The following PIEZO2 variants were observed in gnomAD, a reference collection of about 807,000 sequenced individuals.
PIEZO2 encodes the protein piezo type mechanosensitive ion channel component 2.
PIEZO2 carries 172 observed loss-of-function variants against 337.3 expected under a neutral mutation model. That is an observed-to-expected ratio of 0.51 (90% CI 0.45 to 0.58). PIEZO2 has a LOEUF of 0.58. PIEZO2 is among the 20% of genes least tolerant of loss of function. The pLI is 0.00. For missense variants in PIEZO2, 3,028 were observed against 3,391.3 expected, an observed-to-expected ratio of 0.89 and a Z score of 2.66; for synonymous variants, 1,251 against 1,228.5, an observed-to-expected ratio of 1.02 and a Z score of -0.38.
At chr18:11,030,022 C>T (rs2036674194) in intron 2 of PIEZO2, among the ~76,000 whole-genome samples, 1 of 152,128 alleles carries the variant, frequency 6.6e-6, no homozygotes, top group Non-Finnish European at 1.5e-5. Context: ...ACTTTTACTC[C>T]CTTTAAGTAA....
chr18:10,779,539 A>T (rs1006048123), intron 18 of PIEZO2, among the ~76,000 whole-genome samples: 1 of 152,230 alleles, frequency 6.6e-6, no homozygotes, highest in Non-Finnish European at 1.5e-5. Context: ...CATCTGAAGG[A>T]AAGTCCATAT....
At chr18:10,848,501 T>A (rs2041434759) in intron 7 of PIEZO2, among the ~76,000 whole-genome samples, 1 of 152,178 alleles carries the variant, frequency 6.6e-6, no homozygotes, top group East Asian at 1.9e-4. Flanking sequence ...TAAAAAAGGG[T>A]AACAGGACAA....
chr18:10,842,651 AC>A (rs2041233444), intron 7 of PIEZO2, among the ~76,000 whole-genome samples: 1 of 152,140 alleles, frequency 6.6e-6, no homozygotes, highest in African/African-American at 2.4e-5. Flanking sequence ...AGCCAAATAA[AC>A]CCCTTTTCTT....
At chr18:10,715,065 G>A in intron 38 of PIEZO2, 135 bp from the exon 39 acceptor site, 1 of 827,700 alleles carries the variant, frequency 1.2e-6, no homozygotes, top group Non-Finnish European at 1.8e-6. Flanking sequence ...AGGCAAGTGG[G>A]GATTGATGTC....
chr18:10,839,349 T>A (rs995450479), intron 7 of PIEZO2, among the ~76,000 whole-genome samples: 2 of 152,228 alleles, frequency 1.3e-5, no homozygotes, highest in Non-Finnish European at 2.9e-5. Flanking sequence ...CAGCAAGTAT[T>A]TGCTGTGTCC....
At chr18:10,723,140 T>C (rs1458682673) in intron 36 of PIEZO2, among the ~76,000 whole-genome samples, 1 of 151,954 alleles carries the variant, frequency 6.6e-6, no homozygotes, top group African/African-American at 2.4e-5. Flanking sequence ...GTTAATTTTG[T>C]ATTTTTAGTA....
Position 10,854,503 on chromosome 18 carries a change from T to A in PIEZO2, c.917+850A>T, listed in dbSNP as rs563279032. 6.6e-6 allele frequency among the ~76,000 whole-genome samples: 1 copy of A among 152,220 alleles called. No homozygotes were observed. Among genetic ancestry groups the A allele is most frequent in the Non-Finnish European group, 1.5e-5 (1 of 68,036 alleles). ...TTCTATTATTCCTTTGCCCTGTCATTATCTAACATCATCCTGCATGGAGGA... is the reference window on the plus strand; with the variant it reads ...TTCTATTATTCCTTTGCCCTGTCATAATCTAACATCATCCTGCATGGAGGA... On this transcript the variant is annotated intron_variant, in intron 7 of 55. Transcript: ENST00000674853. This position sits in a 1 kb window ranked among gnomAD's most constrained non-coding sequence, Gnocchi z 4.6.
Position 10,672,999 on chromosome 18 carries a change from C to T in PIEZO2, c.8162-126G>A. 1 of 736,468 alleles carries T rather than the reference C, an allele frequency of 1.4e-6. No homozygotes were observed. 45.6% of individuals were successfully genotyped at this position (736,468 alleles called of 1,614,324 possible). On this transcript the variant is annotated intron_variant, in intron 54 of 55. Transcript: ENST00000674853. This position sits in a 1 kb window ranked among gnomAD's most constrained non-coding sequence, Gnocchi z 4.7. Reference sequence around the variant, plus strand: ...ATAAGGTTCTAGGATGAAAAGGATGCATGGACATACTAGAAGCGTGAATGG... The same window carrying T: ...ATAAGGTTCTAGGATGAAAAGGATGTATGGACATACTAGAAGCGTGAATGG...
chr18:10,670,264 CTTTAT>C lies in PIEZO2; in HGVS notation c.*1258_*1262del, dbSNP rs926081927. The C allele has an allele frequency of 5.3e-5, 8 of 152,158 alleles. No homozygotes were observed. The highest frequency in any genetic ancestry group is 1.2e-4 in the Non-Finnish European group (8 of 67,982). 9.4% of individuals were successfully genotyped at this position (152,158 alleles called of 1,614,324 possible). On this transcript the variant is annotated 3_prime_UTR_variant, in exon 56 of 56. Transcript: ENST00000674853. Reference sequence around the variant, plus strand: ...TCTTAAAATGACTTTGCAGGATGTGCTTTATTTTAAGTCAGCCCTGAACCCAAACT... The same window carrying C: ...TCTTAAAATGACTTTGCAGGATGTGCTTTAAGTCAGCCCTGAACCCAAACT...
At chr18:10,960,112 T>C (rs1270002718) in intron 3 of PIEZO2, among the ~76,000 whole-genome samples, 1 of 152,216 alleles carries the variant, frequency 6.6e-6, no homozygotes, top group Admixed American at 6.5e-5. Flanking sequence ...GTGAGCTTGA[T>C]CTGACAGAAA....
At chr18:10,791,937 G>A (rs1382182180) in intron 13 of PIEZO2, among the ~76,000 whole-genome samples, 1 of 152,098 alleles carries the variant, frequency 6.6e-6, no homozygotes, top group African/African-American at 2.4e-5. Context: ...CTAACACACA[G>A]TAGGTTTATT....
In PIEZO2 at chr18:10,821,927, T is replaced by C. The variant is rs972480020; in HGVS notation, c.918-14653A>G. On this transcript the variant is annotated intron_variant, in intron 7 of 55. Transcript: ENST00000674853. This position sits in a 1 kb window ranked among gnomAD's most constrained non-coding sequence, Gnocchi z 4.2. Reference sequence around the variant, plus strand: ...GATTACAAATGCAATAGTGCTAGTATAAATTTGTCAGAGAAAATCAAAGTT... The same window carrying C: ...GATTACAAATGCAATAGTGCTAGTACAAATTTGTCAGAGAAAATCAAAGTT... Among the ~76,000 whole-genome samples the C allele has an allele frequency of 1.3e-5, 2 of 152,264 alleles. No individual in the cohort carries two copies. Among genetic ancestry groups the C allele is most frequent in the African/African-American group, 2.4e-5 (1 of 41,470 alleles).
chr18:10,762,067 G>A (rs913005680), intron 23 of PIEZO2, among the ~76,000 whole-genome samples: 6 of 152,080 alleles, frequency 3.9e-5, no homozygotes, highest in Non-Finnish European at 7.4e-5. Flanking sequence ...GGCTATATCC[G>A]CTTCTCAGAA....
intron 3 of PIEZO2, among the ~76,000 whole-genome samples, chr18:10,976,640 G>T (rs1354057813): frequency 1.3e-5 from 2 of 152,196 alleles, no homozygotes; most frequent in African/African-American, 4.8e-5. Context: ...AAAAAGGAAA[G>T]GGAAGATGTT....
At chr18:10,681,420 TAAAC>T (rs1332143152) in intron 51 of PIEZO2, among the ~76,000 whole-genome samples, 1 of 152,252 alleles carries the variant, frequency 6.6e-6, no homozygotes, top group African/African-American at 2.4e-5. Context: ...TTTAAAAAGT[TAAAC>T]AATTTTTAAA....
rs2170665 is a variant in PIEZO2 at position 10,952,345 on chromosome 18, A to G, written c.286+27190T>C. ...TACTGTCAAAATGTAAAGTTCCATC[A>G]GCCCACCAAATTCTCCATGGTCATT... On this transcript the variant is annotated intron_variant, in intron 3 of 55. Transcript: ENST00000674853. The surrounding 1 kb of genome is among the most constrained non-coding windows in gnomAD (Gnocchi z 4.1). 0.15 allele frequency among the ~76,000 whole-genome samples: 22,273 copies of G among 152,192 alleles called. 2,832 individuals carry two copies. Among genetic ancestry groups the G allele is most frequent in the African/African-American group, 0.34 (14,039 of 41,480 alleles).
intron 3 of PIEZO2, among the ~76,000 whole-genome samples, chr18:10,971,141 G>T (rs1364449809): frequency 6.6e-6 from 1 of 152,128 alleles, no homozygotes; most frequent in Non-Finnish European, 1.5e-5. Flanking sequence ...AAACAGCAGA[G>T]GATAAGGGAC....
At chr18:11,085,049 G>T (rs1195348265) in intron 1 of PIEZO2, among the ~76,000 whole-genome samples, 1 of 152,214 alleles carries the variant, frequency 6.6e-6, no homozygotes, top group East Asian at 1.9e-4. Flanking sequence ...ATAACGGAAT[G>T]AATTAACACA....
At chr18:10,780,776 C>T (rs2038954650) in intron 17 of PIEZO2, among the ~76,000 whole-genome samples, 1 of 150,164 alleles carries the variant, frequency 6.7e-6, no homozygotes, top group Non-Finnish European at 1.5e-5. Flanking sequence ...GATTCTCCTG[C>T]CTTAGCCTCC....
Sources: gnomAD v4.1 joint callset for allele counts (sites outside exome capture counted in the v4.1 genomes callset) on GRCh38, gnomAD v4.1.1 for gene constraint, Gnocchi (gnomAD v3.1) non-coding constraint, MANE v1.5 for transcripts, NCBI Gene and HGNC (gene_info 2026-07-23, HGNC 2026-07-21) for gene names.